Variants in CDON observed in about 807,000 individuals in gnomAD.
CDON encodes the protein cell adhesion associated, oncogene regulated, also known as cell adhesion molecule-related/down-regulated by oncogenes.
In CDON, 73 loss-of-function variants were observed where a neutral mutation model predicts 120.9. The ratio of observed to expected loss-of-function variants is 0.60; its 90% CI spans 0.50 to 0.73. The LOEUF (loss-of-function observed/expected upper bound fraction) is 0.73. Ranked by LOEUF, CDON falls within the 30% of genes least tolerant of loss-of-function variation. The pLI, the probability that CDON is intolerant of heterozygous loss-of-function variation, is 0.00. For missense variants in CDON, 1,470 were observed against 1,587.3 expected (o/e 0.93, Z 1.26); for synonymous variants, 566 against 573.5 (o/e 0.99, Z 0.19).
At chr11:126,008,012 T>C (rs913162023) in intron 8 of CDON, among the ~76,000 whole-genome samples, 4 of 152,110 alleles carry the variant, frequency 2.6e-5, no homozygotes, top group Admixed American at 6.5e-5. Flanking sequence ...TGACTCTAAG[T>C]GGAAACTAAT....
intron 11 of CDON, 146 bp downstream of exon 11, chr11:126,001,573 G>A: frequency 1.5e-6 from 1 of 661,796 alleles, no homozygotes; most frequent in East Asian, 2.9e-5. Context: ...TTTAAATATA[G>A]GACATTAAAA....
intron 10 of CDON, among the ~76,000 whole-genome samples, 194 bp from the exon 11 acceptor site, chr11:126,002,044 T>C (rs1293425409): frequency 6.7e-6 from 1 of 148,268 alleles, no homozygotes; most frequent in African/African-American, 2.5e-5. Context: ...CTTTGTTTTT[T>C]TCTAGTATCT....
At chr11:125,976,048 C>T (rs534008927) in intron 18 of CDON, among the ~76,000 whole-genome samples, 13 of 152,200 alleles carry the variant, frequency 8.5e-5, no homozygotes, top group South Asian at 2.1e-4. Flanking sequence ...GTAACAATGT[C>T]GATATTCTAA....
At chr11:125,992,756 A>G (rs1946666644) in intron 14 of CDON, among the ~76,000 whole-genome samples, 1 of 152,272 alleles carries the variant, frequency 6.6e-6, no homozygotes, top group African/African-American at 2.4e-5. Context: ...AATGTGATAC[A>G]GCATAATGTA....
At chr11:126,023,360 G>T in intron 2 of CDON, 41 bp downstream of exon 2, 2 of 1,185,038 alleles carry the variant, frequency 1.7e-6, no homozygotes, top group South Asian at 1.2e-5. Flanking sequence ...GGATTAAGAT[G>T]AGTAAAGGCC....
chr11:126,009,007 C>A (rs1458246399), intron 8 of CDON, among the ~76,000 whole-genome samples: 1 of 152,212 alleles, frequency 6.6e-6, no homozygotes, highest in Non-Finnish European at 1.5e-5. Flanking sequence ...TCCTTGGATT[C>A]TCACATCAAC....
intron 7 of CDON, chr11:126,014,727 G>A (rs1310400808): frequency 6.5e-6 from 1 of 154,354 alleles, no homozygotes; most frequent in East Asian, 1.9e-4. Context: ...TTTTTAAAAA[G>A]GAATGAAAAT....
Position 126,034,382 on chromosome 11 carries a change from C to T in CDON, c.-61-10845G>A, listed in dbSNP as rs1204150425. Among the ~76,000 whole-genome samples the T allele has an allele frequency of 6.6e-6, 1 of 152,046 alleles. No individual in the cohort carries two copies. The highest frequency in any genetic ancestry group is 1.5e-5 in the Non-Finnish European group (1 of 68,030). ...CCAACACAATGAAAAGGGCCCAGGACGAACCCCAGGAAAGGTCACTGAGAT... is the reference window on the plus strand; with the variant it reads ...CCAACACAATGAAAAGGGCCCAGGATGAACCCCAGGAAAGGTCACTGAGAT... On this transcript the variant is annotated intron_variant, in intron 1 of 19. Coordinates refer to ENST00000531738, the MANE Select transcript of CDON (RefSeq NM_001378964.1). This position sits in a 1 kb window ranked among gnomAD's most constrained non-coding sequence, Gnocchi z 4.5.
intron 18 of CDON, among the ~76,000 whole-genome samples, chr11:125,972,335 T>C (rs1591551105): frequency 6.6e-6 from 1 of 151,890 alleles, no homozygotes. Flanking sequence ...GGCTGAGGCA[T>C]GAGAATCGCT....
In CDON at chr11:125,958,481, G is replaced by A. The variant is rs929537764; in HGVS notation, c.*2461C>T. ...AGTGACATTAGGTAGGACTGTTTGG[G>A]TGCCTGTGCAGGGCAGAGCCAACTC... On this transcript the variant is annotated 3_prime_UTR_variant, in exon 20 of 20. Coordinates refer to ENST00000531738, the MANE Select transcript of CDON (RefSeq NM_001378964.1). 2 of 151,742 alleles carry A rather than the reference G, an allele frequency of 1.3e-5. No homozygotes were observed. The highest frequency in any genetic ancestry group is 2.9e-5 in the Non-Finnish European group (2 of 67,992). 9.4% of individuals were successfully genotyped at this position (151,742 alleles called of 1,614,324 possible).
intron 18 of CDON, among the ~76,000 whole-genome samples, chr11:125,975,887 C>T (rs1486433111): frequency 6.6e-6 from 1 of 152,140 alleles, no homozygotes. Context: ...CTGGGTAGTG[C>T]TCAGTAAATG....
chr11:125,999,469 T>G (rs538642362), intron 11 of CDON, among the ~76,000 whole-genome samples: 1 of 152,330 alleles, frequency 6.6e-6, no homozygotes, highest in South Asian at 2.1e-4. Flanking sequence ...GTCAGTTTCC[T>G]AATCTGTAAA....
chr11:126,051,068 T>C (rs993783975), intron 1 of CDON, among the ~76,000 whole-genome samples: 2 of 152,196 alleles, frequency 1.3e-5, no homozygotes, highest in African/African-American at 4.8e-5. Flanking sequence ...AAAAAAATCC[T>C]TAATTGCACA....
chr11:126,053,451 G>A (rs1948615817), intron 1 of CDON, among the ~76,000 whole-genome samples: 1 of 152,204 alleles, frequency 6.6e-6, no homozygotes, highest in Non-Finnish European at 1.5e-5. Flanking sequence ...TAATTGCACA[G>A]TGAGAGTGCA....
At chr11:125,962,807 G>A (rs944304865) in intron 18 of CDON, among the ~76,000 whole-genome samples, 49 of 151,946 alleles carry the variant, frequency 3.2e-4, no homozygotes, top group Admixed American at 2.8e-3. Flanking sequence ...CTTTTGTACC[G>A]GCTCTGTTTA....
intron 16 of CDON, 60 bp from the exon 17 acceptor site, chr11:125,981,389 C>T (rs1946295553): frequency 6.5e-7 from 1 of 1,541,942 alleles, no homozygotes; most frequent in Non-Finnish European, 8.8e-7. Context: ...CACACATGCA[C>T]ATACGCACAC....
intron 15 of CDON, among the ~76,000 whole-genome samples, chr11:125,985,169 G>C (rs1946426689): frequency 1.3e-5 from 2 of 152,006 alleles, no homozygotes; most frequent in Non-Finnish European, 2.9e-5. Flanking sequence ...CAAAACCTCA[G>C]TTTTTATTTA....
intron 10 of CDON, among the ~76,000 whole-genome samples, chr11:126,003,034 C>T (rs186810057): frequency 1.4e-4 from 21 of 152,262 alleles, no homozygotes; most frequent in South Asian, 4.1e-4. Flanking sequence ...GTCGACCGCT[C>T]ATTGAGGACT....
intron 9 of CDON, 48 bp from the exon 10 acceptor site, chr11:126,004,124 T>C (rs1379225005): frequency 1.9e-6 from 3 of 1,581,702 alleles, no homozygotes; most frequent in East Asian, 2.3e-5. Context: ...AGATGGAGGA[T>C]AGGAAATCTT....
Sources: allele counts gnomAD v4.1 joint callset (sites outside exome capture counted in the v4.1 genomes callset), GRCh38; gene constraint gnomAD v4.1.1; non-coding constraint Gnocchi (gnomAD v3.1); transcripts MANE v1.5; gene names NCBI Gene and HGNC (gene_info 2026-07-23, HGNC 2026-07-21).